MACROD2: variants seen among roughly 807,000 people sequenced by gnomAD.
MACROD2 encodes the protein ADP-ribose glycohydrolase MACROD2.
MACROD2 carries 36 observed loss-of-function variants against 70.4 expected under a neutral mutation model. That is an observed-to-expected ratio of 0.51 (90% CI 0.39 to 0.68). MACROD2 has a LOEUF of 0.68. Among genes scored for constraint, MACROD2 ranks in the 30% least tolerant of loss-of-function variants. MACROD2 has a pLI of 0.00. For synonymous variants in MACROD2, 172 were observed against 178.8 expected, an observed-to-expected ratio of 0.96 and a Z score of 0.30; for missense variants, 496 against 538.4, an observed-to-expected ratio of 0.92 and a Z score of 0.78.
chr20:14,742,327 A>T (rs553041932), intron 5 of MACROD2, among the ~76,000 whole-genome samples: 2 of 152,286 alleles, frequency 1.3e-5, no homozygotes, highest in South Asian at 4.1e-4. Flanking sequence ...TTCTTCTGAG[A>T]AAAGTTTTAA....
intron 6 of MACROD2, among the ~76,000 whole-genome samples, chr20:15,368,112 C>T (rs2045438326): frequency 6.6e-6 from 1 of 152,030 alleles, no homozygotes; most frequent in Non-Finnish European, 1.5e-5. Flanking sequence ...AGAAAAAGAT[C>T]CAATGGAACT....
At position 15,987,140 on chromosome 20, in the gene MACROD2, G is replaced by GA; in HGVS notation, c.1140dup (p.Glu381ArgfsTer3). ...GATTCCATTAACAGAGGACCAAGAAGAAAAAGAAGGTGAAAAAGGTAGGAC... is the reference window on the plus strand; with the variant it reads ...GATTCCATTAACAGAGGACCAAGAAGAAAAAAGAAGGTGAAAAAGGTAGGAC... On this transcript the variant is annotated frameshift_variant, in exon 15 of 18. Coordinates refer to ENST00000684519, the MANE Select transcript of MACROD2 (RefSeq NM_001351661.2). LOFTEE classifies it high-confidence loss of function. The GA allele has an allele frequency of 6.2e-7, 1 of 1,609,498 alleles. No homozygotes were observed. Among genetic ancestry groups the GA allele is most frequent in the Non-Finnish European group, 8.5e-7 (1 of 1,178,934 alleles).
intron 5 of MACROD2, among the ~76,000 whole-genome samples, chr20:14,956,283 A>G (rs1357215125): frequency 2.0e-5 from 3 of 152,134 alleles, no homozygotes; most frequent in South Asian, 2.1e-4. Context: ...TTCACCACTC[A>G]ATGACGAATG....
chr20:15,196,690 T>A (rs2076609066), intron 5 of MACROD2, among the ~76,000 whole-genome samples: 1 of 152,184 alleles, frequency 6.6e-6, no homozygotes, highest in South Asian at 2.1e-4. Context: ...TGACAGTGGT[T>A]TTTAAATTAT....
intron 12 of MACROD2, among the ~76,000 whole-genome samples, chr20:15,952,681 T>C (rs1470608240): frequency 1.3e-5 from 2 of 152,174 alleles, no homozygotes; most frequent in African/African-American, 4.8e-5. Context: ...TCCTGGGGGC[T>C]TCTCTCAAGT....
chr20:16,028,502 A>T (rs1431929471), intron 15 of MACROD2, among the ~76,000 whole-genome samples: 1 of 152,018 alleles, frequency 6.6e-6, no homozygotes, highest in Non-Finnish European at 1.5e-5. Context: ...GAGGCATATT[A>T]TCTGGCCAAA....
chr20:14,064,265 G>A lies in MACROD2; in HGVS notation c.164-21356G>A, dbSNP rs6033874. 7.0e-3 allele frequency among the ~76,000 whole-genome samples: 1,066 copies of A among 151,860 alleles called. 13 individuals are homozygous for A. The highest frequency in any genetic ancestry group is 0.024 in the African/African-American group (1,005 of 41,384). On this transcript the variant is annotated intron_variant, in intron 2 of 17. Coordinates refer to ENST00000684519, the MANE Select transcript of MACROD2 (RefSeq NM_001351661.2). The stretch of plus-strand genomic sequence containing the variant: ...TTCTCCAGTTTTCTGTCTTTGGTCC[G>A]TTTTCATTTACATGTGTACCTATGT...
chr20:15,943,786 G>A (rs1445682861), intron 12 of MACROD2, among the ~76,000 whole-genome samples: 3 of 151,816 alleles, frequency 2.0e-5, no homozygotes, highest in African/African-American at 7.3e-5. Context: ...TTAAAAGGTA[G>A]TATTTATCAT....
chr20:16,023,200 G>A (rs184523230), intron 15 of MACROD2, among the ~76,000 whole-genome samples: 1 of 152,012 alleles, frequency 6.6e-6, no homozygotes, highest in East Asian at 1.9e-4. Context: ...TGCCATCCGG[G>A]CATGGTGGCT....
chr20:14,070,248 T>C (rs942392168), intron 2 of MACROD2, among the ~76,000 whole-genome samples: 2 of 152,152 alleles, frequency 1.3e-5, no homozygotes, highest in Non-Finnish European at 2.9e-5. Flanking sequence ...AATCTTCTAA[T>C]ATAACATCTA....
intron 3 of MACROD2, among the ~76,000 whole-genome samples, chr20:14,137,359 C>A (rs983312460): frequency 3.9e-5 from 6 of 152,130 alleles, no homozygotes; most frequent in Admixed American, 2.6e-4. Flanking sequence ...AATGGAAGTG[C>A]AGCATTATAA....
At chr20:16,020,199 G>C (rs1255686423) in intron 15 of MACROD2, among the ~76,000 whole-genome samples, 1 of 152,026 alleles carries the variant, frequency 6.6e-6, no homozygotes, top group Non-Finnish European at 1.5e-5. Flanking sequence ...ATCCCACCCT[G>C]ACCCTGAACT....
chr20:14,687,235 T>TA (rs900787790), intron 5 of MACROD2, among the ~76,000 whole-genome samples: 1 of 152,210 alleles, frequency 6.6e-6, no homozygotes, highest in African/African-American at 2.4e-5. Flanking sequence ...TTTTCTTTTT[T>TA]ATGTATTAAA....
At chr20:15,030,963 T>G (rs1362619998) in intron 5 of MACROD2, among the ~76,000 whole-genome samples, 2 of 152,178 alleles carry the variant, frequency 1.3e-5, no homozygotes, top group Non-Finnish European at 2.9e-5. Flanking sequence ...ACTCGGCCCA[T>G]CAGGGTGCAC....
At chr20:15,658,909 C>G (rs2049774572) in intron 8 of MACROD2, among the ~76,000 whole-genome samples, 2 of 152,210 alleles carry the variant, frequency 1.3e-5, no homozygotes, top group Admixed American at 1.3e-4. Flanking sequence ...ACTGATTCTT[C>G]TAGCCAGAAG....
intron 16 of MACROD2, among the ~76,000 whole-genome samples, chr20:16,042,030 G>T (rs1601370144): frequency 6.6e-6 from 1 of 151,950 alleles, no homozygotes; most frequent in Non-Finnish European, 1.5e-5. Context: ...TGCCATTTGG[G>T]TTATTTTAGC....
intron 5 of MACROD2, among the ~76,000 whole-genome samples, chr20:14,951,972 GA>G: frequency 6.6e-6 from 1 of 151,326 alleles, no homozygotes; most frequent in South Asian, 2.1e-4. Flanking sequence ...CTGTTGTGGG[GA>G]AATAAGGTTT....
At chr20:15,350,440 A>C (rs1056443603) in intron 6 of MACROD2, among the ~76,000 whole-genome samples, 8 of 152,158 alleles carry the variant, frequency 5.3e-5, no homozygotes, top group Non-Finnish European at 7.4e-5. Flanking sequence ...GTGTAGGTAA[A>C]TGGGAGGAAG....
chr20:15,873,531 T>A (rs1169642849), intron 9 of MACROD2, among the ~76,000 whole-genome samples: 3 of 152,202 alleles, frequency 2.0e-5, no homozygotes, highest in Admixed American at 2.0e-4. Flanking sequence ...TTTTTCTTAT[T>A]GATTTATAAG....
Sources: allele counts gnomAD v4.1 joint callset (sites outside exome capture counted in the v4.1 genomes callset), GRCh38; gene constraint gnomAD v4.1.1; transcripts MANE v1.5; gene names NCBI Gene and HGNC (gene_info 2026-07-23, HGNC 2026-07-21).